SP110: variants seen among roughly 807,000 people sequenced by gnomAD.
SP110 encodes SP110 nuclear body protein.
A neutral mutation model predicts 92.7 loss-of-function variants in SP110; 62 were observed. The ratio of observed to expected loss-of-function variants is 0.67; its 90% CI spans 0.55 to 0.83. The LOEUF (loss-of-function observed/expected upper bound fraction) is 0.83, where lower values mean the gene tolerates loss of function less well. Ranked by LOEUF, SP110 falls within the 40% of genes least tolerant of loss-of-function variation. SP110 has a pLI of 0.00. For missense variants in SP110, 793 were observed against 863.9 expected (o/e 0.92, Z 1.03); for synonymous variants, 273 against 305.3 (o/e 0.89, Z 1.10).
Position 230,212,207 on chromosome 2 carries a change from T to C in SP110, c.667+140A>G, listed in dbSNP as rs528993118. The C allele has an allele frequency of 1.3e-4, 95 of 710,482 alleles. No homozygotes were observed. In the African/African-American group the frequency reaches 1.5e-3, roughly 11 times the overall value. 44.0% of individuals were successfully genotyped at this position (710,482 alleles called of 1,614,324 possible). ...TGTTTTGCATTGCTGCGTTGGTGAA[T>C]TGGCCCCTTCTGTTTCTTTTCCTTT... On this transcript the variant is annotated intron_variant, in intron 5 of 18. Transcript: ENST00000258381.
At chr2:230,221,756 C>G (rs1027281459), upstream of SP110, 10 of 1,534,886 alleles carry the variant, frequency 6.5e-6, no homozygotes, top group Admixed American at 2.0e-4. Context: ...ATCTGAGGAT[C>G]CTGGCAGCAA....
intron 10 of SP110, among the ~76,000 whole-genome samples, chr2:230,199,642 GAA>G (rs1164465377): frequency 1.3e-5 from 2 of 152,004 alleles, no homozygotes; most frequent in African/African-American, 4.8e-5. Flanking sequence ...TTATGGCCTA[GAA>G]TGGCATAATA....
At chr2:230,195,558 G>A (rs1444519021) in intron 10 of SP110, among the ~76,000 whole-genome samples, 1 of 152,070 alleles carries the variant, frequency 6.6e-6, no homozygotes, top group East Asian at 1.9e-4. Context: ...TTGAACTCCT[G>A]GACTCAAGTG....
rs2078322906 is a variant in SP110, at chr2:230,167,198, G to A, written c.*1926C>T. On this transcript the variant is annotated 3_prime_UTR_variant, in exon 19 of 19. Coordinates refer to ENST00000258381, the MANE Select transcript of SP110 (RefSeq NM_080424.4). The stretch of plus-strand genomic sequence containing the variant: ...GCTCACTGCGACCTCTGCCTCCCAG[G>A]CTCATCCTTCCACCTCAGCCTCCTG... 1 of 150,780 alleles carries A rather than the reference G, an allele frequency of 6.6e-6. No homozygotes were observed. The highest frequency in any genetic ancestry group is 2.5e-5 in the African/African-American group (1 of 40,808). 9.3% of individuals were successfully genotyped at this position (150,780 alleles called of 1,614,324 possible).
At chr2:230,174,947 C>A (rs2041784672) in intron 14 of SP110, among the ~76,000 whole-genome samples, 1 of 152,206 alleles carries the variant, frequency 6.6e-6, no homozygotes, top group African/African-American at 2.4e-5. Context: ...CTGGGTCAAG[C>A]ATGCCCCTGG....
At chr2:230,201,164 G>A (rs61182521) in intron 9 of SP110, among the ~76,000 whole-genome samples, 199 bp from the exon 10 acceptor site, 22,930 of 152,136 alleles carry the variant, frequency 0.15, 2,131 homozygotes, top group South Asian at 0.27. Flanking sequence ...GGAGCAGACC[G>A]CAGTTGGTTA....
At chr2:230,219,000 G>A (rs1317023875) in intron 1 of SP110, among the ~76,000 whole-genome samples, 6 of 152,168 alleles carry the variant, frequency 3.9e-5, no homozygotes, top group Non-Finnish European at 5.9e-5. Flanking sequence ...TGAGGTGGGC[G>A]GATCAGCTGA....
At chr2:230,191,900 A>G (rs1408336746) in intron 10 of SP110, among the ~76,000 whole-genome samples, 4 of 152,182 alleles carry the variant, frequency 2.6e-5, no homozygotes, top group Non-Finnish European at 5.9e-5. Flanking sequence ...AATAATGGCA[A>G]GCCAAATCCA....
intron 14 of SP110, chr2:230,176,622 C>T (rs1346164399): frequency 6.2e-7 from 1 of 1,613,768 alleles, no homozygotes; most frequent in African/African-American, 1.3e-5. Context: ...AGCCTCCAGA[C>T]AGGGAAAGTC....
At chr2:230,181,006 T>C (rs2042104099) in intron 12 of SP110, among the ~76,000 whole-genome samples, 1 of 152,214 alleles carries the variant, frequency 6.6e-6, no homozygotes, top group South Asian at 2.1e-4. Context: ...TGGCAAAATG[T>C]AGATCAAAGT....
At chr2:230,189,215 T>A (rs2042497592) in intron 10 of SP110, among the ~76,000 whole-genome samples, 1 of 152,098 alleles carries the variant, frequency 6.6e-6, no homozygotes. Context: ...TCTTCTCTCA[T>A]CTTTCTTTTT....
upstream of SP110, among the ~76,000 whole-genome samples, chr2:230,220,614 C>G (rs570634675): frequency 6.6e-6 from 1 of 152,172 alleles, no homozygotes; most frequent in Non-Finnish European, 1.5e-5. Flanking sequence ...CCTGCTGATT[C>G]CAGAGAGCAG....
chr2:230,185,904 T>G (rs1293102453), intron 11 of SP110, 90 bp downstream of exon 11: 1 of 1,108,216 alleles, frequency 9.0e-7, no homozygotes, highest in East Asian at 2.3e-5. Context: ...CTTCTACTAT[T>G]GACTTTACAT....
chr2:230,214,813 A>G, intron 3 of SP110, 137 bp downstream of exon 3: 1 of 737,364 alleles, frequency 1.4e-6, no homozygotes. Context: ...CAGCTGTACC[A>G]ATGAGAGAAT....
At chr2:230,173,818 C>T (rs1013643759) in intron 14 of SP110, 1 of 152,136 alleles carries the variant, frequency 6.6e-6, no homozygotes, top group Non-Finnish European at 1.5e-5. Context: ...ACTCTGCAGG[C>T]ATAGATTTGA....
Position 230,202,638 on chromosome 2 carries a change from G to A in SP110, c.989C>T (p.Thr330Met), listed in dbSNP as rs141019373. The A allele has an allele frequency of 4.1e-4, 661 of 1,613,972 alleles. 8 individuals are homozygous for A. The South Asian group carries it at 6.6e-3, about 16-fold the overall frequency. Residue 330 changes from threonine to methionine, a missense_variant, in exon 9 of 19, where the codon ACG becomes ATG. Transcript: ENST00000258381. ...QKKDDSTCNS[T>M]VETRAQKART... ...CGCCTTTTGGGCCCTTGTCTCTACC[G>A]TGGAGTTACAAGTTGAGTCATCTTT...
intron 1 of SP110, among the ~76,000 whole-genome samples, chr2:230,218,338 GA>G (rs1157155039): frequency 6.6e-6 from 1 of 151,914 alleles, no homozygotes; most frequent in Non-Finnish European, 1.5e-5. Context: ...TAACTTGGCA[GA>G]AAAAAATACT....
intron 14 of SP110, 57 bp downstream of exon 14, chr2:230,177,481 T>A (rs2041917422): frequency 6.4e-7 from 1 of 1,560,638 alleles, no homozygotes. Context: ...CTCTTAAAGC[T>A]CCACTTCTCC....
At chr2:230,201,303 A>G (rs1239130575) in intron 9 of SP110, among the ~76,000 whole-genome samples, 2 of 152,208 alleles carry the variant, frequency 1.3e-5, no homozygotes, top group Non-Finnish European at 2.9e-5. Flanking sequence ...GAAAATTTGC[A>G]AGGTCAAATT....
Sources: allele counts gnomAD v4.1 joint callset (sites outside exome capture counted in the v4.1 genomes callset), GRCh38; gene constraint gnomAD v4.1.1; transcripts MANE v1.5; gene names NCBI Gene and HGNC (gene_info 2026-07-23, HGNC 2026-07-21).